Variants in NCBP2L observed in about 807,000 individuals in gnomAD.
NCBP2L encodes the protein nuclear cap-binding protein subunit 2-like.
For missense variants in NCBP2L, 95 were observed against 53.1 expected (o/e 1.79, Z -2.45); for synonymous variants, 39 against 19.2 (o/e 2.04, Z -2.70).
chrX:107,790,289 T>G (rs1930434176), intron 1 of NCBP2L, among the ~76,000 whole-genome samples: 1 of 112,347 alleles, frequency 8.9e-6, no homozygotes, highest in Non-Finnish European at 1.9e-5. Context: ...AATCTTTTTG[T>G]TTTTTAACCA....
chrX:107,791,892 G>A (rs779912528), intron 1 of NCBP2L, among the ~76,000 whole-genome samples: 1 of 112,133 alleles, frequency 8.9e-6, no homozygotes, highest in South Asian at 3.8e-4. Context: ...AGTAAATGGT[G>A]AAGTTGAGAT....
At chrX:107,793,789 T>C (rs113141651) in intron 1 of NCBP2L, among the ~76,000 whole-genome samples, 5,286 of 112,352 alleles carry the variant, frequency 0.047, 324 homozygotes, top group African/African-American at 0.16. Flanking sequence ...TGATGCTTAG[T>C]CCTTAATCAG....
At chrX:107,781,667 T>TATCTATCTATCC (rs1491458437) in intron 1 of NCBP2L, among the ~76,000 whole-genome samples, 1 of 73,596 alleles carries the variant, frequency 1.4e-5, no homozygotes, top group African/African-American at 8.4e-5. Context: ...TCTATCTATC[T>TATCTATCTATCC]ATCTATCTAT....
At chrX:107,782,999 GA>G (rs1259657641) in intron 1 of NCBP2L, among the ~76,000 whole-genome samples, 2 of 107,847 alleles carry the variant, frequency 1.9e-5, no homozygotes, top group African/African-American at 6.8e-5. Flanking sequence ...AATTTTTTTA[GA>G]AAAAATTAGG....
chrX:107,789,134 C>T (rs1323183988), intron 1 of NCBP2L, among the ~76,000 whole-genome samples: 1 of 109,440 alleles, frequency 9.1e-6, no homozygotes, highest in Non-Finnish European at 1.9e-5. Flanking sequence ...TGTCCTAACC[C>T]CACCCTGCCA....
At chrX:107,788,487 C>T (rs1396455665) in intron 1 of NCBP2L, among the ~76,000 whole-genome samples, 1 of 112,401 alleles carries the variant, frequency 8.9e-6, no homozygotes, top group Non-Finnish European at 1.9e-5. Flanking sequence ...ACTAAACATC[C>T]CCAATTTCTA....
intron 1 of NCBP2L, among the ~76,000 whole-genome samples, chrX:107,787,481 T>C (rs755258931): frequency 1.8e-5 from 2 of 112,118 alleles, no homozygotes; most frequent in Non-Finnish European, 3.8e-5. Context: ...GGGCTTTTAA[T>C]GTAACCGTCA....
At chrX:107,779,055 A>C (rs1288743941) in intron 1 of NCBP2L, among the ~76,000 whole-genome samples, 1 of 111,607 alleles carries the variant, frequency 9.0e-6, no homozygotes, top group Non-Finnish European at 1.9e-5. Flanking sequence ...GGCTGAGAAC[A>C]GTGTGTATGC....
At chrX:107,779,184 G>T in intron 1 of NCBP2L, among the ~76,000 whole-genome samples, 1 of 111,847 alleles carries the variant, frequency 8.9e-6, no homozygotes, top group Admixed American at 9.5e-5. Context: ...ACAATATATA[G>T]AAACAACTCT....
rs779357958 is a variant in NCBP2L at position 107,787,487 on chromosome X, C to T, written c.-72-6662C>T. Among the ~76,000 whole-genome samples the T allele has an allele frequency of 6.3e-4, 70 of 111,786 alleles. 1 individual carries two copies. The highest frequency in any genetic ancestry group is 1.2e-3 in the Non-Finnish European group (63 of 53,178). The stretch of plus-strand genomic sequence containing the variant: ...GTGAAGTCTGGGCTTTTAATGTAAC[C>T]GTCACCCAAACAGTGTAGATTGTAC... On this transcript the variant is annotated intron_variant, in intron 1 of 1. Coordinates refer to ENST00000509000, the MANE Select transcript of NCBP2L (RefSeq NM_001348372.2).
intron 1 of NCBP2L, among the ~76,000 whole-genome samples, chrX:107,780,271 G>C (rs1443171864): frequency 1.8e-5 from 2 of 111,390 alleles, no homozygotes; most frequent in South Asian, 3.8e-4. Context: ...CCTGAGCCCG[G>C]GTAGGTTGAG....
intron 1 of NCBP2L, among the ~76,000 whole-genome samples, chrX:107,778,595 G>A (rs1344811874): frequency 3.6e-5 from 4 of 112,668 alleles, no homozygotes; most frequent in Admixed American, 2.8e-4. Flanking sequence ...CTTCTGTGAA[G>A]CCTTGCTTTG....
chrX:107,793,464 G>T (rs766012324), intron 1 of NCBP2L, among the ~76,000 whole-genome samples: 1 of 111,594 alleles, frequency 9.0e-6, no homozygotes, highest in South Asian at 3.8e-4. Flanking sequence ...TAATGCCTCC[G>T]AATGCTGCAG....
At chrX:107,781,668 A>ATCTCTCTC (rs1930275710) in intron 1 of NCBP2L, among the ~76,000 whole-genome samples, 1 of 65,389 alleles carries the variant, frequency 1.5e-5, no homozygotes, top group African/African-American at 1.1e-4. Context: ...CTATCTATCT[A>ATCTCTCTC]TCTATCTATC....
chrX:107,782,556 T>A (rs1216302863), intron 1 of NCBP2L, among the ~76,000 whole-genome samples: 1 of 101,270 alleles, frequency 9.9e-6, no homozygotes, highest in African/African-American at 3.6e-5. Context: ...ACATTACATC[T>A]CTAGAACTTA....
At chrX:107,793,965 C>G (rs1287774718) in intron 1 of NCBP2L, among the ~76,000 whole-genome samples, 184 bp from the exon 2 acceptor site, 1 of 112,293 alleles carries the variant, frequency 8.9e-6, no homozygotes, top group Non-Finnish European at 1.9e-5. Context: ...GAAGACTTGA[C>G]AAATTGGATT....
chrX:107,784,466 T>C (rs1846296127), intron 1 of NCBP2L, among the ~76,000 whole-genome samples: 1 of 110,567 alleles, frequency 9.0e-6, no homozygotes, highest in South Asian at 3.9e-4. Flanking sequence ...TACATGAAAT[T>C]ACATATTACA....
intron 1 of NCBP2L, among the ~76,000 whole-genome samples, chrX:107,787,026 A>G (rs1348864057): frequency 1.1e-4 from 12 of 111,799 alleles, no homozygotes; most frequent in African/African-American, 3.9e-4. Context: ...TTGTTAGGCA[A>G]AAGTTCAACT....
chrX:107,793,747 T>A (rs758420787), intron 1 of NCBP2L, among the ~76,000 whole-genome samples: 1 of 112,443 alleles, frequency 8.9e-6, no homozygotes, highest in East Asian at 2.8e-4. Context: ...ACTGTACTTG[T>A]GCTTTAACAT....
Sources: gnomAD v4.1 joint callset for allele counts (sites outside exome capture counted in the v4.1 genomes callset) on GRCh38, gnomAD v4.1.1 for gene constraint, MANE v1.5 for transcripts, NCBI Gene and HGNC (gene_info 2026-07-23, HGNC 2026-07-21) for gene names.